FAF1: variants seen among roughly 807,000 people sequenced by gnomAD.
The protein encoded by FAF1 is Fas associated factor 1, also known as FAS-associated factor 1.
Under a neutral mutation model 92.5 loss-of-function variants are expected in FAF1, and 25 were observed. The observed-to-expected ratio is 0.27, with a 90% CI of 0.20 to 0.38. The LOEUF (loss-of-function observed/expected upper bound fraction) is 0.38. FAF1 is among the 10% of genes least tolerant of loss of function. The pLI is 1.00. For missense variants in FAF1, 636 were observed against 793.3 expected, an observed-to-expected ratio of 0.80 and a Z score of 2.38; for synonymous variants, 234 against 273.2, an observed-to-expected ratio of 0.86 and a Z score of 1.42.
chr1:50,621,391 C>CT (rs36053834), intron 8 of FAF1, among the ~76,000 whole-genome samples: 9,962 of 89,354 alleles, frequency 0.11, 1,521 homozygotes, highest in African/African-American at 0.15. Context: ...TTCTTTTTTT[C>CT]TTTTTTTTTT....
chr1:50,592,823 T>A (rs9969991), intron 9 of FAF1, among the ~76,000 whole-genome samples: 74,401 of 151,740 alleles, frequency 0.49, 20,366 homozygotes, highest in African/African-American at 0.72. Context: ...CTGTAGTCCC[T>A]GCTACTTGGG....
intron 15 of FAF1, among the ~76,000 whole-genome samples, chr1:50,498,850 A>C (rs1646941794): frequency 9.1e-6 from 1 of 109,332 alleles, no homozygotes; most frequent in Non-Finnish European, 1.9e-5. Flanking sequence ...CCTCTGTCTC[A>C]AAAAAAAAAA....
At chr1:50,881,066 T>C (rs1386584937) in intron 1 of FAF1, among the ~76,000 whole-genome samples, 2 of 152,172 alleles carry the variant, frequency 1.3e-5, no homozygotes, top group East Asian at 1.9e-4. Flanking sequence ...GTTCAAACAT[T>C]AGTACTGTTT....
chr1:50,460,601 ATGTG>A lies in FAF1; in HGVS notation c.1869+14859_1869+14862del, dbSNP rs761777414. On this transcript the variant is annotated intron_variant, in intron 18 of 18. Transcript: ENST00000396153. The stretch of plus-strand genomic sequence containing the variant: ...TGTATGTGTGTGTGTATGTATATAT[ATGTG>A]TGTGTGTGTGTGTGTGTGTTTGTGT... Among the ~76,000 whole-genome samples the A allele has an allele frequency of 3.4e-3, 515 of 149,600 alleles. 3 individuals are homozygous for A. Among genetic ancestry groups the A allele is most frequent in the Middle Eastern group, 7.0e-3 (2 of 284 alleles).
At chr1:50,809,357 A>C (rs1392655735) in intron 2 of FAF1, among the ~76,000 whole-genome samples, 2 of 152,132 alleles carry the variant, frequency 1.3e-5, no homozygotes, top group Non-Finnish European at 2.9e-5. Context: ...AAACTGACAT[A>C]ATAACTAGCT....
chr1:50,772,437 T>C (rs1569922428), intron 4 of FAF1, among the ~76,000 whole-genome samples: 1 of 152,080 alleles, frequency 6.6e-6, no homozygotes, highest in East Asian at 1.9e-4. Flanking sequence ...AGCTAAGACA[T>C]GGAATTAACC....
chr1:50,448,437 G>C (rs1646254639), intron 18 of FAF1, among the ~76,000 whole-genome samples: 1 of 152,180 alleles, frequency 6.6e-6, no homozygotes, highest in Admixed American at 6.5e-5. Context: ...CTTGTTGGGG[G>C]AAGTATTTAT....
At chr1:50,545,869 T>C (rs1360337558) in intron 13 of FAF1, among the ~76,000 whole-genome samples, 1 of 152,208 alleles carries the variant, frequency 6.6e-6, no homozygotes, top group African/African-American at 2.4e-5. Flanking sequence ...ATACTGGGTG[T>C]AACCCATCAA....
At chr1:50,929,478 T>TC (rs757066269) in intron 1 of FAF1, among the ~76,000 whole-genome samples, 7 of 152,194 alleles carry the variant, frequency 4.6e-5, no homozygotes, top group Non-Finnish European at 8.8e-5. Context: ...AATAAAAATT[T>TC]CCCTAAATTT....
chr1:50,448,880 G>A (rs1344143721), intron 18 of FAF1, among the ~76,000 whole-genome samples: 2 of 150,116 alleles, frequency 1.3e-5, no homozygotes, highest in African/African-American at 2.5e-5. Context: ...AAACCTCAGA[G>A]CACTAAGCAA....
intron 15 of FAF1, among the ~76,000 whole-genome samples, chr1:50,522,425 C>T (rs1425467776): frequency 2.6e-5 from 4 of 152,174 alleles, no homozygotes; most frequent in Non-Finnish European, 5.9e-5. Context: ...ATCATAAAAA[C>T]TAGAAGAGAT....
At chr1:50,809,341 T>C (rs1355660317) in intron 2 of FAF1, among the ~76,000 whole-genome samples, 1 of 151,462 alleles carries the variant, frequency 6.6e-6, no homozygotes, top group Non-Finnish European at 1.5e-5. Context: ...CTTGAAAGAA[T>C]AAATAAAACT....
At position 50,610,802 on chromosome 1, in the gene FAF1, T is replaced by C. The variant is rs559929022; in HGVS notation, c.745-14586A>G. Among the ~76,000 whole-genome samples, 24 of 152,278 alleles carry C rather than the reference T, an allele frequency of 1.6e-4. 1 individual carries two copies. In the South Asian group the frequency reaches 4.8e-3, roughly 30 times the overall value. Reference sequence around the variant, plus strand: ...AGAGGGCCAGTATGGACATGTCACTTCAAATTAGCATTGTACCAAGGCACT... The same window carrying C: ...AGAGGGCCAGTATGGACATGTCACTCCAAATTAGCATTGTACCAAGGCACT... On this transcript the variant is annotated intron_variant, in intron 8 of 18. Coordinates refer to ENST00000396153, the MANE Select transcript of FAF1 (RefSeq NM_007051.3).
chr1:50,508,759 T>C (rs973222902), intron 15 of FAF1, among the ~76,000 whole-genome samples: 2 of 152,234 alleles, frequency 1.3e-5, no homozygotes, highest in African/African-American at 4.8e-5. Flanking sequence ...TGGAGTGCAA[T>C]GGCACAATCT....
chr1:50,671,407 A>G (rs1177952674), intron 7 of FAF1, among the ~76,000 whole-genome samples: 21 of 150,054 alleles, frequency 1.4e-4, no homozygotes, highest in Admixed American at 1.4e-3. Context: ...TCCGTCTCAA[A>G]AAAAAAAAAA....
chr1:50,583,539 C>A lies in FAF1; in HGVS notation c.1031+113G>T. 1.7e-6 allele frequency: 1 copy of A among 582,544 alleles called. No homozygotes were observed. Among genetic ancestry groups the A allele is most frequent in the Non-Finnish European group, 2.9e-6 (1 of 345,122 alleles). The allele number at this position is 582,544 out of a possible 1,614,324, so 36.1% of individuals were successfully genotyped here. A position where few individuals can be genotyped will look rare whatever the true frequency, so the allele number is the denominator to read the frequency against. ...GGACTATATAAATTAACAAGTATAT[C>A]CTTTGAATACTTTAAGGAGAAACTT... On this transcript the variant is annotated intron_variant, in intron 11 of 18. Coordinates refer to ENST00000396153, the MANE Select transcript of FAF1 (RefSeq NM_007051.3). This position sits in a 1 kb window ranked among gnomAD's most constrained non-coding sequence, Gnocchi z 4.2.
intron 13 of FAF1, among the ~76,000 whole-genome samples, chr1:50,555,295 C>T (rs11205734): frequency 7.7e-6 from 1 of 129,582 alleles, no homozygotes; most frequent in Non-Finnish European, 1.6e-5. Context: ...ACACACACAC[C>T]CCCCAAAATA....
At chr1:50,760,293 A>G (rs1379448838) in intron 4 of FAF1, among the ~76,000 whole-genome samples, 2 of 152,200 alleles carry the variant, frequency 1.3e-5, no homozygotes, top group Admixed American at 1.3e-4. Flanking sequence ...CAGAAAGTCA[A>G]CAACGATACC....
At chr1:50,561,558 G>C (rs181388967) in intron 13 of FAF1, among the ~76,000 whole-genome samples, 270 of 152,152 alleles carry the variant, frequency 1.8e-3, no homozygotes, top group Non-Finnish European at 3.3e-3. Flanking sequence ...CCGGGCGCAG[G>C]GGCTCATGCC....
Sources: gnomAD v4.1 joint callset for allele counts (sites outside exome capture counted in the v4.1 genomes callset) on GRCh38, gnomAD v4.1.1 for gene constraint, Gnocchi (gnomAD v3.1) non-coding constraint, MANE v1.5 for transcripts, NCBI Gene and HGNC (gene_info 2026-07-23, HGNC 2026-07-21) for gene names.